Variants in GRHL2 observed in about 807,000 individuals in gnomAD.
GRHL2 encodes the protein grainyhead like transcription factor 2, also known as grainyhead-like protein 2 homolog.
A neutral mutation model predicts 83.8 loss-of-function variants in GRHL2; 21 were observed. That is an observed-to-expected ratio of 0.25 (90% confidence interval 0.18 to 0.36). The LOEUF is 0.36. GRHL2 is among the 10% of genes least tolerant of loss of function. The pLI is 1.00. For missense variants in GRHL2, 623 were observed against 781.8 expected, an observed-to-expected ratio of 0.80 and a Z score of 2.42; for synonymous variants, 280 against 278.9, an observed-to-expected ratio of 1.00 and a Z score of -0.04.
intron 2 of GRHL2, among the ~76,000 whole-genome samples, chr8:101,550,280 G>C (rs1811352168): frequency 6.6e-6 from 1 of 151,780 alleles, no homozygotes; most frequent in African/African-American, 2.4e-5. Context: ...CTGAGGTTTG[G>C]GATACGACTG....
At chr8:101,629,595 T>G (rs532709197) in intron 9 of GRHL2, among the ~76,000 whole-genome samples, 4 of 152,230 alleles carry the variant, frequency 2.6e-5, no homozygotes, top group East Asian at 3.9e-4. Flanking sequence ...ATCAAATTCC[T>G]TGACCCAACT....
chr8:101,532,599 A>G (rs891071049), intron 1 of GRHL2, among the ~76,000 whole-genome samples: 1 of 151,902 alleles, frequency 6.6e-6, no homozygotes, highest in Non-Finnish European at 1.5e-5. Context: ...AAAATACAAA[A>G]ATTAGCTGGG....
At chr8:101,619,016 G>A (rs897227338) in intron 8 of GRHL2, among the ~76,000 whole-genome samples, 1 of 152,142 alleles carries the variant, frequency 6.6e-6, no homozygotes, top group African/African-American at 2.4e-5. Context: ...CACTTTAGGA[G>A]GCTGAGGCAG....
intron 1 of GRHL2, chr8:101,528,818 C>T: frequency 3.0e-6 from 1 of 336,946 alleles, no homozygotes; most frequent in South Asian, 2.9e-5. Flanking sequence ...ATTGAAGAGC[C>T]ATTCAAACCA....
intron 2 of GRHL2, chr8:101,543,826 T>C (rs1811205997): frequency 4.2e-6 from 1 of 239,460 alleles, no homozygotes; most frequent in South Asian, 5.4e-5. Context: ...GATAAAGACA[T>C]ACTGGAGACT....
At chr8:101,624,620 A>G (rs1813045062) in intron 9 of GRHL2, among the ~76,000 whole-genome samples, 1 of 131,632 alleles carries the variant, frequency 7.6e-6, no homozygotes, top group South Asian at 2.6e-4. Flanking sequence ...AGGACAGTTT[A>G]CAGTACACAG....
rs531457444 is a variant in GRHL2 at position 101,667,036 on chromosome 8, G to A, written c.*333G>A. 2.1e-5 allele frequency: 9 copies of A among 419,312 alleles called. No homozygotes were observed. Among genetic ancestry groups the A allele is most frequent in the Admixed American group, 3.5e-5 (1 of 28,790 alleles). 26.0% of individuals were successfully genotyped at this position (419,312 alleles called of 1,614,324 possible). A position where few individuals can be genotyped will look rare whatever the true frequency, so the allele number is the denominator to read the frequency against. ...CTAGCTCCAGATGAGACCGTCCAGCGTTCCCCCTTCAAGAGAAACACTCAT... is the reference window on the plus strand; with the variant it reads ...CTAGCTCCAGATGAGACCGTCCAGCATTCCCCCTTCAAGAGAAACACTCAT... On this transcript the variant is annotated 3_prime_UTR_variant, in exon 16 of 16. Coordinates refer to ENST00000646743, the MANE Select transcript of GRHL2 (RefSeq NM_024915.4).
chr8:101,518,493 G>T (rs1376140541), intron 1 of GRHL2, among the ~76,000 whole-genome samples: 3 of 152,122 alleles, frequency 2.0e-5, no homozygotes, highest in Non-Finnish European at 4.4e-5. Context: ...ACCCATACAG[G>T]ATCACCTCCT....
At chr8:101,546,258 A>G (rs1440245943) in intron 2 of GRHL2, among the ~76,000 whole-genome samples, 3 of 152,106 alleles carry the variant, frequency 2.0e-5, no homozygotes, top group Non-Finnish European at 2.9e-5. Flanking sequence ...TATTGATTAT[A>G]TTTAGGAGAA....
At chr8:101,678,302 T>G in the GRHL2 span, among the ~76,000 whole-genome samples, 2 of 152,056 alleles carry the variant, frequency 1.3e-5, no homozygotes, top group Admixed American at 6.5e-5. Context: ...TTCCCTTTCC[T>G]AGTCAAAGAA....
At chr8:101,534,197 G>A (rs1810994680) in intron 1 of GRHL2, among the ~76,000 whole-genome samples, 1 of 152,146 alleles carries the variant, frequency 6.6e-6, no homozygotes, top group African/African-American at 2.4e-5. Context: ...ACTTTCTGAG[G>A]AATCTGGGAG....
At chr8:101,595,777 T>C (rs1004691326) in intron 7 of GRHL2, among the ~76,000 whole-genome samples, 1 of 149,980 alleles carries the variant, frequency 6.7e-6, no homozygotes, top group Admixed American at 6.7e-5. Context: ...AAAAAAAAAA[T>C]GGGCAAAGGA....
chr8:101,640,445 G>A (rs928322593), intron 12 of GRHL2, among the ~76,000 whole-genome samples: 9 of 152,136 alleles, frequency 5.9e-5, no homozygotes, highest in Non-Finnish European at 1.2e-4. Flanking sequence ...ATAATTTTCT[G>A]TAGAGAATGG....
chr8:101,557,588 T>C (rs1811514768), intron 3 of GRHL2, among the ~76,000 whole-genome samples: 1 of 152,198 alleles, frequency 6.6e-6, no homozygotes, highest in African/African-American at 2.4e-5. Flanking sequence ...TCCCATTGCC[T>C]GATAATTGCC....
Position 101,667,033 on chromosome 8 carries a change from A to G in GRHL2, c.*330A>G. 1 of 430,568 alleles carries G rather than the reference A, an allele frequency of 2.3e-6. No individual in the cohort carries two copies. Among genetic ancestry groups the G allele is most frequent in the Non-Finnish European group, 4.3e-6 (1 of 231,808 alleles). The allele number at this position is 430,568 out of a possible 1,614,324, so 26.7% of individuals were successfully genotyped here. On this transcript the variant is annotated 3_prime_UTR_variant, in exon 16 of 16. Transcript: ENST00000646743. ...CTGCTAGCTCCAGATGAGACCGTCCAGCGTTCCCCCTTCAAGAGAAACACT... is the reference window on the plus strand; with the variant it reads ...CTGCTAGCTCCAGATGAGACCGTCCGGCGTTCCCCCTTCAAGAGAAACACT...
In GRHL2 at chr8:101,661,689, C is replaced by T. The variant is rs376111676; in HGVS notation, c.1699-2765C>T. 3.4e-4 allele frequency among the ~76,000 whole-genome samples: 51 copies of T among 152,170 alleles called. No individual in the cohort carries two copies. In the East Asian group the frequency reaches 6.4e-3, roughly 19 times the overall value. On this transcript the variant is annotated intron_variant, in intron 14 of 15. Transcript: ENST00000646743. The stretch of plus-strand genomic sequence containing the variant: ...TGCAGAACCTGGAGATACTGAGGGC[C>T]GACTGTATTTTTTCAAATGAGATAT...
At chr8:101,531,173 C>G (rs1453697041) in intron 1 of GRHL2, among the ~76,000 whole-genome samples, 1 of 150,488 alleles carries the variant, frequency 6.6e-6, no homozygotes, top group Non-Finnish European at 1.5e-5. Context: ...GATTGTGCCA[C>G]TGCACTCCTC....
chr8:101,572,726 A>G (rs983350904), intron 5 of GRHL2, among the ~76,000 whole-genome samples: 1 of 152,256 alleles, frequency 6.6e-6, no homozygotes, highest in African/African-American at 2.4e-5. Flanking sequence ...ATTGTGGTTC[A>G]TACCTGTTGT....
At chr8:101,498,003 G>T (rs1810143120) in intron 1 of GRHL2, among the ~76,000 whole-genome samples, 1 of 152,220 alleles carries the variant, frequency 6.6e-6, no homozygotes, top group Non-Finnish European at 1.5e-5. Flanking sequence ...GAACTGATTT[G>T]AAGTGATGTC....
Sources: allele counts gnomAD v4.1 joint callset (sites outside exome capture counted in the v4.1 genomes callset), GRCh38; gene constraint gnomAD v4.1.1; transcripts MANE v1.5; gene names NCBI Gene and HGNC (gene_info 2026-07-23, HGNC 2026-07-21).